Variants in PDE1A observed in about 807,000 individuals in gnomAD.
PDE1A encodes the protein dual specificity calcium/calmodulin-dependent 3',5'-cyclic nucleotide phosphodiesterase 1A.
Under a neutral mutation model 61.7 loss-of-function variants are expected in PDE1A, and 35 were observed. The observed-to-expected ratio is 0.57, with a 90% confidence interval of 0.43 to 0.75. The LOEUF (loss-of-function observed/expected upper bound fraction) is 0.75, where lower values mean the gene tolerates loss of function less well. Among genes scored for constraint, PDE1A ranks in the 30% least tolerant of loss-of-function variants. PDE1A has a pLI of 0.00. For missense variants in PDE1A, 597 were observed against 630.6 expected (o/e 0.95, Z 0.57); for synonymous variants, 232 against 213.2 (o/e 1.09, Z -0.77).
At chr2:182,404,259 T>C (rs919316980) in intron 1 of PDE1A, among the ~76,000 whole-genome samples, 7 of 152,314 alleles carry the variant, frequency 4.6e-5, no homozygotes, top group South Asian at 2.1e-4. Flanking sequence ...GAAATCACTA[T>C]AGGAAATGGA....
intron 2 of PDE1A, among the ~76,000 whole-genome samples, chr2:182,492,729 A>G (rs1688467543): frequency 6.6e-6 from 1 of 152,212 alleles, no homozygotes; most frequent in Non-Finnish European, 1.5e-5. Context: ...CTTTTCTGTC[A>G]TGAGCTTTTG....
the PDE1A span, among the ~76,000 whole-genome samples, chr2:182,620,757 C>T: frequency 6.6e-6 from 1 of 152,170 alleles, no homozygotes; most frequent in Non-Finnish European, 1.5e-5. Flanking sequence ...AATTCAGTTT[C>T]TATTTTAAGC....
chr2:182,170,255 G>A (rs776717863), intron 13 of PDE1A, among the ~76,000 whole-genome samples: 4 of 152,052 alleles, frequency 2.6e-5, no homozygotes, highest in Non-Finnish European at 4.4e-5. Flanking sequence ...ACTTTTGTCA[G>A]ACTAAAATTC....
the PDE1A span, among the ~76,000 whole-genome samples, chr2:182,713,817 A>T: frequency 6.6e-6 from 1 of 152,244 alleles, no homozygotes; most frequent in African/African-American, 2.4e-5. Context: ...TTCTAGTTAC[A>T]TGAGTTTCCT....
At chr2:182,615,872 C>G in the PDE1A span, among the ~76,000 whole-genome samples, 13 of 152,224 alleles carry the variant, frequency 8.5e-5, no homozygotes, top group Admixed American at 2.6e-4. Flanking sequence ...CAACCCATGC[C>G]CATGACAATG....
chr2:182,450,721 A>T (rs371417833), intron 2 of PDE1A, among the ~76,000 whole-genome samples: 4 of 152,006 alleles, frequency 2.6e-5, no homozygotes, highest in Non-Finnish European at 5.9e-5. Context: ...CATCAGAGAG[A>T]TGTTACATGA....
the PDE1A span, among the ~76,000 whole-genome samples, chr2:182,568,080 C>T: frequency 6.6e-6 from 1 of 152,006 alleles, no homozygotes; most frequent in South Asian, 2.1e-4. Flanking sequence ...ATTACAGGTG[C>T]AAGTCACTGC....
At chr2:182,562,302 ATT>A in the PDE1A span, among the ~76,000 whole-genome samples, 1 of 150,790 alleles carries the variant, frequency 6.6e-6, no homozygotes, top group Non-Finnish European at 1.5e-5. Flanking sequence ...TTCTGCATCT[ATT>A]GAGATAATCA....
the PDE1A span, among the ~76,000 whole-genome samples, chr2:182,712,979 G>C: frequency 1.3e-5 from 2 of 152,072 alleles, no homozygotes; most frequent in African/African-American, 4.8e-5. Flanking sequence ...TCTTGTCCCT[G>C]TCTGCTTTTA....
intron 1 of PDE1A, among the ~76,000 whole-genome samples, chr2:182,288,592 T>C (rs1694319180): frequency 6.6e-6 from 1 of 152,042 alleles, no homozygotes; most frequent in African/African-American, 2.4e-5. Context: ...GAACTACCAA[T>C]AACATTAGTT....
At chr2:182,645,327 A>G in the PDE1A span, among the ~76,000 whole-genome samples, 2 of 152,190 alleles carry the variant, frequency 1.3e-5, no homozygotes, top group East Asian at 3.8e-4. Flanking sequence ...TTGTTTTAAT[A>G]TAAATATTCC....
the PDE1A span, among the ~76,000 whole-genome samples, chr2:182,602,068 A>G: frequency 6.6e-6 from 1 of 152,148 alleles, no homozygotes; most frequent in Non-Finnish European, 1.5e-5. Flanking sequence ...GCTGCCATTC[A>G]TGGTGCCCAG....
chr2:182,273,018 C>G (rs1693146729), intron 1 of PDE1A, among the ~76,000 whole-genome samples: 1 of 152,018 alleles, frequency 6.6e-6, no homozygotes. Flanking sequence ...GTTATTTCCT[C>G]TATTATCATT....
chr2:182,676,490 C>G, the PDE1A span, among the ~76,000 whole-genome samples: 1 of 149,900 alleles, frequency 6.7e-6, no homozygotes, highest in Non-Finnish European at 1.5e-5. Flanking sequence ...ACCAGATGTA[C>G]AAAAAAGAGC....
chr2:182,640,739 G>T, the PDE1A span, among the ~76,000 whole-genome samples: 2 of 152,006 alleles, frequency 1.3e-5, no homozygotes, highest in South Asian at 4.2e-4. Flanking sequence ...AAATATGCAG[G>T]CCGGGTGCAG....
At chr2:182,421,634 T>A (rs146077576) in intron 1 of PDE1A, among the ~76,000 whole-genome samples, 2,048 of 152,298 alleles carry the variant, frequency 0.013, 27 homozygotes, top group South Asian at 0.048. Flanking sequence ...CCTCCTGCTA[T>A]TAAAATGTAT....
intron 1 of PDE1A, among the ~76,000 whole-genome samples, chr2:182,316,236 T>C (rs2125970647): frequency 6.6e-6 from 1 of 152,312 alleles, no homozygotes; most frequent in African/African-American, 2.4e-5. Flanking sequence ...AGGTAATTTA[T>C]GTGGTCAAAC....
the PDE1A span, among the ~76,000 whole-genome samples, chr2:182,683,480 A>T: frequency 6.6e-6 from 1 of 152,228 alleles, no homozygotes; most frequent in Non-Finnish European, 1.5e-5. Flanking sequence ...CAAATGGATC[A>T]AAGATCCAAA....
At chr2:182,249,269 G>A (rs1033260608) in intron 2 of PDE1A, among the ~76,000 whole-genome samples, 1 of 152,242 alleles carries the variant, frequency 6.6e-6, no homozygotes, top group Non-Finnish European at 1.5e-5. Context: ...AGAAAGCCCA[G>A]TAAGATGTAG....
Sources: gnomAD v4.1 joint callset for allele counts (sites outside exome capture counted in the v4.1 genomes callset) on GRCh38, gnomAD v4.1.1 for gene constraint, MANE v1.5 for transcripts, NCBI Gene and HGNC (gene_info 2026-07-23, HGNC 2026-07-21) for gene names.